TRPM3: variants seen among roughly 807,000 people sequenced by gnomAD.
The protein encoded by TRPM3 is long transient receptor potential channel 3.
In TRPM3, 77 loss-of-function variants were observed where a neutral mutation model predicts 181.2. That is an observed-to-expected ratio of 0.42 (90% CI 0.35 to 0.51). TRPM3 has a LOEUF of 0.51. Ranked by LOEUF, TRPM3 falls within the 20% of genes least tolerant of loss-of-function variation. The pLI is 0.01. For synonymous variants in TRPM3, 745 were observed against 796.4 expected, an observed-to-expected ratio of 0.94 and a Z score of 1.09; for missense variants, 1,759 against 2,196.7, an observed-to-expected ratio of 0.80 and a Z score of 3.98.
chr9:70,852,457 T>C (rs1310538223), intron 3 of TRPM3, among the ~76,000 whole-genome samples: 1 of 152,132 alleles, frequency 6.6e-6, no homozygotes, highest in East Asian at 1.9e-4. Context: ...CTTCTCCTTT[T>C]CCTTTACCTA....
chr9:71,122,723 C>CA (rs372497262), upstream of TRPM3, among the ~76,000 whole-genome samples: 203 of 152,324 alleles, frequency 1.3e-3, 2 homozygotes, highest in African/African-American at 4.8e-3. Flanking sequence ...CACTGCGCTA[C>CA]AACACCATTT....
intron 1 of TRPM3, among the ~76,000 whole-genome samples, chr9:70,914,801 T>C (rs563129702): frequency 6.6e-6 from 1 of 152,346 alleles, no homozygotes; most frequent in Non-Finnish European, 1.5e-5. Context: ...CAAGTGTCTC[T>C]GCCTAGTGAT....
chr9:70,536,593 G>T lies in TRPM3; in HGVS notation c.4520C>A (p.Thr1507Asn), dbSNP rs1343062774. ...GCGGCTACTTTTGGAACGCTCAATG[G>T]TGTGGTACATCGGAGGCTCTGAGTC... ...PWDSEPPMYH[T>N]IERSKSSRYL... Residue 1507 changes from threonine (T) to asparagine (N), a missense_variant, in exon 26 of 26, where the codon ACC becomes AAC. Physicochemically the swap from Thr to Asn is moderately conservative, Grantham distance 65 (BLOSUM62 0). This residue lies in a region of TRPM3 where 612 missense variants were observed against 590.0 expected (regional missense o/e 1.04). Transcript: ENST00000677713. The T allele has an allele frequency of 6.2e-7, 1 of 1,614,030 alleles. No homozygotes were observed. Among genetic ancestry groups the T allele is most frequent in the Non-Finnish European group, 8.5e-7 (1 of 1,180,032 alleles).
chr9:71,203,995 A>G lies in TRPM3; in HGVS notation c.183+242658T>C, dbSNP rs62547692. On this transcript the variant is annotated intron_variant, in intron 1 of 24. Coordinates refer to the TRPM3 transcript ENST00000357533. ...CCTACTTAATAAATGGTGCTGGGAA[A>G]ACTGGCTAGCCATATGTAGAAAGCT... is the stretch of plus-strand genomic sequence containing the variant. Among the ~76,000 whole-genome samples the G allele has an allele frequency of 4.6e-3, 697 of 152,180 alleles. 3 individuals are homozygous for G. Among genetic ancestry groups the G allele is most frequent in the Middle Eastern group, 0.017 (5 of 294 alleles).
chr9:71,115,350 T>C (rs1489752534), intron 1 of TRPM3, among the ~76,000 whole-genome samples: 1 of 152,182 alleles, frequency 6.6e-6, no homozygotes, highest in Non-Finnish European at 1.5e-5. Flanking sequence ...ACTATTTGCT[T>C]TTCTGACAAG....
intron 1 of TRPM3, among the ~76,000 whole-genome samples, chr9:71,058,260 G>C (rs773382778): frequency 2.0e-5 from 3 of 152,028 alleles, no homozygotes; most frequent in Non-Finnish European, 1.5e-5. Flanking sequence ...CTATAAGCCT[G>C]CATGGCTTAT....
chr9:71,115,742 C>T (rs1379547744), intron 1 of TRPM3, among the ~76,000 whole-genome samples: 1 of 152,146 alleles, frequency 6.6e-6, no homozygotes, highest in Non-Finnish European at 1.5e-5. Context: ...CTCCTCACTC[C>T]CCAGTGACCA....
intron 7 of TRPM3, among the ~76,000 whole-genome samples, chr9:70,761,930 AAC>A: frequency 6.6e-6 from 1 of 152,326 alleles, no homozygotes; most frequent in South Asian, 2.1e-4. Context: ...CTCAGAAACC[AAC>A]AGTCGAAAGA....
At chr9:70,896,137 A>C (rs1163794299) in intron 1 of TRPM3, among the ~76,000 whole-genome samples, 1 of 152,198 alleles carries the variant, frequency 6.6e-6, no homozygotes. Context: ...AAAAACATAG[A>C]AACCAGAACA....
In TRPM3 at chr9:71,298,678, T is replaced by C. The variant is rs543591401; in HGVS notation, c.183+147975A>G. Among the ~76,000 whole-genome samples, 3 of 152,216 alleles carry C rather than the reference T, an allele frequency of 2.0e-5. No homozygotes were observed. The East Asian group carries it at 5.8e-4, about 29-fold the overall frequency. ...GCTTGGCCAGGGTCCAAGAGCAAAC[T>C]GCAGGTAGCAACACAGGAGACACCT... is the stretch of plus-strand genomic sequence containing the variant. On this transcript the variant is annotated intron_variant, in intron 1 of 24. Transcript: ENST00000357533.
intron 6 of TRPM3, among the ~76,000 whole-genome samples, chr9:70,814,345 A>G (rs558223935): frequency 1.7e-4 from 26 of 152,274 alleles, no homozygotes; most frequent in Middle Eastern, 3.4e-3. Context: ...TAGGAACATG[A>G]TGAAGGAGCA....
chr9:70,696,112 C>T (rs1219792702), intron 8 of TRPM3, among the ~76,000 whole-genome samples: 4 of 152,298 alleles, frequency 2.6e-5, no homozygotes, highest in South Asian at 4.1e-4. Flanking sequence ...TCTTCCCCTC[C>T]GTTCTATTCT....
intron 1 of TRPM3, among the ~76,000 whole-genome samples, chr9:71,080,233 C>G (rs916801222): frequency 5.6e-5 from 8 of 143,292 alleles, no homozygotes; most frequent in Non-Finnish European, 9.1e-5. Context: ...ACTTTGTTCT[C>G]TACGATTCCC....
intron 1 of TRPM3, among the ~76,000 whole-genome samples, chr9:71,339,963 G>T (rs1378778387): frequency 1.3e-5 from 2 of 152,062 alleles, no homozygotes; most frequent in African/African-American, 2.4e-5. Context: ...TAAATCTCAT[G>T]GTCACACTGA....
At chr9:71,240,301 T>C (rs2131961475) in intron 1 of TRPM3, among the ~76,000 whole-genome samples, 1 of 152,314 alleles carries the variant, frequency 6.6e-6, no homozygotes, top group South Asian at 2.1e-4. Flanking sequence ...TGTGATAATC[T>C]TCAAAATGAC....
At position 71,121,414 on chromosome 9, in the gene TRPM3, A is replaced by ACTAGGCTTCCTG; in HGVS notation, c.-61_-60insCAGGAAGCCTAG. 1 of 1,573,866 alleles carries ACTAGGCTTCCTG rather than the reference A, an allele frequency of 6.4e-7. No homozygotes were observed. Among genetic ancestry groups the ACTAGGCTTCCTG allele is most frequent in the Admixed American group, 1.8e-5 (1 of 55,032 alleles). The stretch of plus-strand genomic sequence containing the variant: ...GGGCAGAGGCTTCCTGGAACTTGGA[A>ACTAGGCTTCCTG]GACTAGTCAAGTAGCCTTGCCTGAG... On this transcript the variant is annotated 5_prime_UTR_variant, in exon 1 of 26. Transcript: ENST00000677713.
chr9:70,746,010 T>C lies in TRPM3; in HGVS notation c.1272+15591A>G, dbSNP rs552525571. 1.9e-4 allele frequency among the ~76,000 whole-genome samples: 29 copies of C among 152,282 alleles called. No homozygotes were observed. In the South Asian group the frequency reaches 5.0e-3, roughly 26 times the overall value. Reference sequence around the variant, plus strand: ...GTTACAGTTAACAATTACTGAGTGCTTCCTAGGAGCCACACACTGTGCCAA... The same window carrying C: ...GTTACAGTTAACAATTACTGAGTGCCTCCTAGGAGCCACACACTGTGCCAA... On this transcript the variant is annotated intron_variant, in intron 8 of 25. Transcript: ENST00000677713.
intron 1 of TRPM3, among the ~76,000 whole-genome samples, chr9:70,904,469 T>G (rs2096433636): frequency 6.6e-6 from 1 of 152,150 alleles, no homozygotes; most frequent in Admixed American, 6.5e-5. Flanking sequence ...CTCAGCAGGT[T>G]AGAAACAGCT....
chr9:71,041,997 T>C (rs1398372559), intron 1 of TRPM3, among the ~76,000 whole-genome samples: 1 of 152,182 alleles, frequency 6.6e-6, no homozygotes, highest in African/African-American at 2.4e-5. Flanking sequence ...TGAGGTACTG[T>C]CCTAGATGCT....
Sources: allele counts gnomAD v4.1 joint callset (sites outside exome capture counted in the v4.1 genomes callset), GRCh38; gene constraint gnomAD v4.1.1; regional missense constraint gnomAD v4.1.1; transcripts MANE v1.5; gene names NCBI Gene and HGNC (gene_info 2026-07-23, HGNC 2026-07-21).